DCC: variants seen among roughly 807,000 people sequenced by gnomAD.
DCC encodes the protein netrin receptor DCC.
In DCC, 58 loss-of-function variants were observed where a neutral mutation model predicts 172.5. The ratio of observed to expected loss-of-function variants is 0.34; its 90% CI spans 0.27 to 0.42. The LOEUF (loss-of-function observed/expected upper bound fraction) is 0.42. DCC is among the 10% of genes least tolerant of loss of function. The pLI is 1.00. For synonymous variants in DCC, 709 were observed against 644.5 expected (o/e 1.10, Z -1.52); for missense variants, 1,740 against 1,791.0 (o/e 0.97, Z 0.51).
At chr18:53,005,907 C>G (rs2041637546) in intron 5 of DCC, among the ~76,000 whole-genome samples, 1 of 152,066 alleles carries the variant, frequency 6.6e-6, no homozygotes, top group African/African-American at 2.4e-5. Flanking sequence ...CCCTGTGTAC[C>G]TACAATGTTG....
intron 1 of DCC, among the ~76,000 whole-genome samples, chr18:52,588,681 G>A (rs2033730724): frequency 6.6e-6 from 1 of 152,274 alleles, no homozygotes; most frequent in African/African-American, 2.4e-5. Flanking sequence ...AGTTTTGGGG[G>A]AGAAAAGATG....
At chr18:53,086,311 C>A (rs1468586380) in intron 7 of DCC, among the ~76,000 whole-genome samples, 1 of 37,634 alleles carries the variant, frequency 2.7e-5, no homozygotes, top group East Asian at 4.4e-4. Flanking sequence ...TCTTCTTCTT[C>A]TTCTTCTTCT....
chr18:53,030,928 C>T (rs1215854366), intron 5 of DCC, among the ~76,000 whole-genome samples: 1 of 152,104 alleles, frequency 6.6e-6, no homozygotes, highest in African/African-American at 2.4e-5. Context: ...ACAAATGGGG[C>T]CACATTACCT....
intron 7 of DCC, among the ~76,000 whole-genome samples, chr18:53,127,196 G>A (rs1379439279): frequency 6.7e-6 from 1 of 149,606 alleles, no homozygotes; most frequent in Non-Finnish European, 1.5e-5. Flanking sequence ...TGTAGGGATG[G>A]GGGTCTCGTT....
At chr18:53,221,680 C>T (rs981636767) in intron 12 of DCC, among the ~76,000 whole-genome samples, 3 of 152,088 alleles carry the variant, frequency 2.0e-5, no homozygotes, top group Admixed American at 6.6e-5. Context: ...AGCAAAGAAA[C>T]CAATTCATAA....
chr18:52,341,015 C>CGAT, intron 1 of DCC, 137 bp downstream of exon 1: 1 of 747,030 alleles, frequency 1.3e-6, no homozygotes, highest in South Asian at 1.4e-5. Context: ...ATTTGCGCAC[C>CGAT]GATGATAAAA....
At chr18:52,975,620 C>A (rs2041104915) in intron 5 of DCC, among the ~76,000 whole-genome samples, 1 of 152,106 alleles carries the variant, frequency 6.6e-6, no homozygotes, top group Non-Finnish European at 1.5e-5. Flanking sequence ...ATTTGGTTTT[C>A]TGTTCCTGTG....
At chr18:52,774,334 G>T (rs1313861106) in intron 2 of DCC, among the ~76,000 whole-genome samples, 1 of 152,164 alleles carries the variant, frequency 6.6e-6, no homozygotes, top group Non-Finnish European at 1.5e-5. Flanking sequence ...GATGTGGCCG[G>T]CTGAATGTTG....
intron 5 of DCC, among the ~76,000 whole-genome samples, chr18:53,056,091 G>A (rs1032362389): frequency 2.6e-5 from 4 of 151,982 alleles, no homozygotes; most frequent in Non-Finnish European, 1.5e-5. Context: ...CTGCTATAAA[G>A]GTACTACCTG....
intron 1 of DCC, among the ~76,000 whole-genome samples, chr18:52,581,182 A>C (rs60962071): frequency 0.067 from 214 of 3,184 alleles, 1 homozygote; most frequent in African/African-American, 0.095. Context: ...TTCTATCTAT[A>C]TATCTTATCT....
intron 15 of DCC, among the ~76,000 whole-genome samples, chr18:53,342,128 C>G (rs1034753506): frequency 5.9e-5 from 9 of 151,818 alleles, no homozygotes; most frequent in Non-Finnish European, 1.2e-4. Flanking sequence ...CTAATAAACC[C>G]CTTCATCTAT....
At chr18:52,847,949 A>G (rs2038920475) in intron 2 of DCC, among the ~76,000 whole-genome samples, 1 of 152,172 alleles carries the variant, frequency 6.6e-6, no homozygotes, top group African/African-American at 2.4e-5. Flanking sequence ...TAGTTGTATG[A>G]ATTGACATCA....
chr18:52,493,765 A>G (rs2030622083), intron 1 of DCC, among the ~76,000 whole-genome samples: 1 of 152,060 alleles, frequency 6.6e-6, no homozygotes, highest in Non-Finnish European at 1.5e-5. Flanking sequence ...ACTTTGATTT[A>G]TTACAATCAC....
At position 52,498,813 on chromosome 18, in the gene DCC, C is replaced by T. The variant is rs1263511265; in HGVS notation, c.91+157935C>T. On this transcript the variant is annotated intron_variant, in intron 1 of 28. Coordinates refer to ENST00000442544, the MANE Select transcript of DCC (RefSeq NM_005215.4). ...TAGAAAGAAACCTCTGATGTCTCTT[C>T]CTCTTGTAATAAGGCCACCAGATTT... is the stretch of plus-strand genomic sequence containing the variant. Among the ~76,000 whole-genome samples the T allele has an allele frequency of 4.6e-5, 7 of 152,148 alleles. No homozygotes were observed. The East Asian group carries it at 1.4e-3, about 30-fold the overall frequency.
At chr18:53,490,342 G>C (rs2045947304) in intron 26 of DCC, among the ~76,000 whole-genome samples, 2 of 152,144 alleles carry the variant, frequency 1.3e-5, no homozygotes, top group South Asian at 2.1e-4. Flanking sequence ...TTTGCTTAGA[G>C]TTATTGGCTT....
At chr18:52,846,240 G>T (rs2038886770) in intron 2 of DCC, among the ~76,000 whole-genome samples, 2 of 152,090 alleles carry the variant, frequency 1.3e-5, no homozygotes, top group African/African-American at 4.8e-5. Context: ...GAAGTTCTGA[G>T]CCTCAAGGAA....
chr18:53,115,471 T>C (rs2043395804), intron 7 of DCC, among the ~76,000 whole-genome samples: 2 of 151,500 alleles, frequency 1.3e-5, no homozygotes, highest in East Asian at 3.9e-4. Flanking sequence ...AGTGACTTAA[T>C]TGAATGAAAT....
rs1383344737 is a variant in DCC at position 53,386,100 on chromosome 18, T to C, written c.2417T>C (p.Val806Ala). 16 of 1,613,088 alleles carry C rather than the reference T, an allele frequency of 9.9e-6. No homozygotes were observed. Among genetic ancestry groups the C allele is most frequent in the Non-Finnish European group, 1.4e-5 (16 of 1,179,358 alleles). Residue 806 changes from valine to alanine, a missense_variant, in exon 16 of 29, where the codon GTT (valine) becomes GCT (alanine). Physicochemically the swap from Val to Ala is moderately conservative, Grantham distance 64. This residue lies in a region of DCC where 1,732 missense variants were observed against 1,767.4 expected (regional missense o/e 0.98). Transcript: ENST00000442544. ...LKAFNNAGEG[V>A]PLYESATTRS... ...GCTTTTAACAATGCCGGAGAAGGAG[T>C]TCCTCTTTATGAAAGTGCCACCACC...
chr18:52,941,507 T>TAC (rs965888321), intron 5 of DCC, among the ~76,000 whole-genome samples: 2 of 151,928 alleles, frequency 1.3e-5, no homozygotes, highest in Non-Finnish European at 2.9e-5. Context: ...TGTGTGTATA[T>TAC]ATATATATAC....
Sources: allele counts gnomAD v4.1 joint callset (sites outside exome capture counted in the v4.1 genomes callset), GRCh38; gene constraint gnomAD v4.1.1; regional missense constraint gnomAD v4.1.1; transcripts MANE v1.5; gene names NCBI Gene and HGNC (gene_info 2026-07-23, HGNC 2026-07-21).